The following WWOX variants were observed in gnomAD, a reference collection of about 807,000 sequenced individuals.
WWOX encodes WW domain containing oxidoreductase, also known as WW domain-containing oxidoreductase.
A neutral mutation model predicts 46.2 loss-of-function variants in WWOX; 69 were observed. The observed-to-expected ratio is 1.49, with a 90% confidence interval of 1.23 to 1.82. The LOEUF (loss-of-function observed/expected upper bound fraction) is 1.82, where lower values mean the gene tolerates loss of function less well. WWOX is among the 40% of genes most tolerant of loss of function. The pLI is 0.00. For synonymous variants in WWOX, 359 were observed against 202.6 expected, an observed-to-expected ratio of 1.77 and a Z score of -6.56; for missense variants, 919 against 542.6, an observed-to-expected ratio of 1.69 and a Z score of -6.89.
rs368949334 is a variant in WWOX, at chr16:78,726,013, G to T, written c.1056+293261G>T. 1.6e-3 allele frequency among the ~76,000 whole-genome samples: 207 copies of T among 131,648 alleles called. 1 individual carries two copies. Among genetic ancestry groups the T allele is most frequent in the African/African-American group, 5.0e-3 (176 of 34,950 alleles). 86.4% of individuals were successfully genotyped at this position (131,648 alleles called of 152,430 possible). A position where few individuals can be genotyped will look rare whatever the true frequency, so the allele number is the denominator to read the frequency against. On this transcript the variant is annotated intron_variant, in intron 8 of 8. Transcript: ENST00000566780. ...CCTCCTTCTCCTTCTTCTTCTCTTT[G>T]TTCTCCTTCTAGTTCTCCTCCTTTC...
At chr16:78,492,413 G>T (rs73578907) in intron 8 of WWOX, among the ~76,000 whole-genome samples, 1 of 152,122 alleles carries the variant, frequency 6.6e-6, no homozygotes, top group African/African-American at 2.4e-5. Context: ...TCTCATCTGT[G>T]GATAAAACTG....
At chr16:78,562,983 GTTCT>G (rs1326991778) in intron 8 of WWOX, among the ~76,000 whole-genome samples, 1 of 143,998 alleles carries the variant, frequency 6.9e-6, no homozygotes, top group African/African-American at 2.8e-5. Context: ...CTTTACAGAT[GTTCT>G]TTTTTTTTTT....
intron 8 of WWOX, among the ~76,000 whole-genome samples, chr16:78,582,072 T>TG (rs1308332364): frequency 6.6e-6 from 1 of 152,202 alleles, no homozygotes; most frequent in East Asian, 1.9e-4. Context: ...GAACGCTGGG[T>TG]GCAGAAGCAT....
intron 4 of WWOX, among the ~76,000 whole-genome samples, chr16:78,129,706 T>C (rs958086606): frequency 4.6e-5 from 7 of 152,080 alleles, no homozygotes; most frequent in African/African-American, 1.7e-4. Flanking sequence ...TGGGATTTTT[T>C]TTCTTTTTTT....
At chr16:78,737,687 G>A (rs1344883269) in intron 8 of WWOX, among the ~76,000 whole-genome samples, 6 of 152,124 alleles carry the variant, frequency 3.9e-5, no homozygotes, top group African/African-American at 7.2e-5. Context: ...ATTAAAAGAG[G>A]AAAAGGGGTA....
chr16:78,575,033 ATATATATATATAT>A (rs2044828647), intron 8 of WWOX, among the ~76,000 whole-genome samples: 1 of 1,878 alleles, frequency 5.3e-4, no homozygotes, highest in South Asian at 0.013. Flanking sequence ...ATATATATAT[ATATATATATATAT>A]ATATATATAT....
chr16:78,367,239 A>G (rs763312627), intron 5 of WWOX, among the ~76,000 whole-genome samples: 7 of 152,106 alleles, frequency 4.6e-5, no homozygotes, highest in Non-Finnish European at 7.4e-5. Flanking sequence ...TCGCCCTCCC[A>G]AAGTGCTGGG....
At chr16:78,831,919 C>G (rs1028837648) in intron 8 of WWOX, among the ~76,000 whole-genome samples, 1 of 152,156 alleles carries the variant, frequency 6.6e-6, no homozygotes, top group Admixed American at 6.5e-5. Context: ...CTCAAATACC[C>G]TTCCTCTTTC....
chr16:78,664,995 C>G (rs1304758035), intron 8 of WWOX, among the ~76,000 whole-genome samples: 1 of 152,200 alleles, frequency 6.6e-6, no homozygotes, highest in African/African-American at 2.4e-5. Flanking sequence ...AATGAAAGAA[C>G]TGACGTTTTC....
chr16:78,766,443 C>T (rs2049926559), intron 8 of WWOX, among the ~76,000 whole-genome samples: 1 of 152,124 alleles, frequency 6.6e-6, no homozygotes, highest in African/African-American at 2.4e-5. Flanking sequence ...AAAAATTTAG[C>T]CGGCTGTCGT....
intron 8 of WWOX, among the ~76,000 whole-genome samples, chr16:78,922,525 T>C (rs983926392): frequency 2.0e-5 from 3 of 151,990 alleles, no homozygotes; most frequent in African/African-American, 4.8e-5. Flanking sequence ...ATTACAGGCA[T>C]GCACAACAAC....
chr16:79,088,303 G>A (rs1020721876), intron 8 of WWOX, among the ~76,000 whole-genome samples: 6 of 152,168 alleles, frequency 3.9e-5, no homozygotes, highest in Admixed American at 6.5e-5. Context: ...ATTGCAGCCC[G>A]TTGGTTGTTT....
rs1322588037 is a variant in WWOX at position 78,785,064 on chromosome 16, C to G, written c.1056+352312C>G. On this transcript the variant is annotated intron_variant, in intron 8 of 8. Coordinates refer to ENST00000566780, the MANE Select transcript of WWOX (RefSeq NM_016373.4). ...CCAAGGAGAAGTTAAATTCTAAAGA[C>G]TTGGGCAGTCTCCAGGGAATATACT... Among the ~76,000 whole-genome samples the G allele has an allele frequency of 4.6e-5, 7 of 152,270 alleles. No homozygotes were observed. The East Asian group carries it at 1.4e-3, about 29-fold the overall frequency.
chr16:78,156,039 C>G (rs540327018), intron 4 of WWOX, among the ~76,000 whole-genome samples: 1 of 152,280 alleles, frequency 6.6e-6, no homozygotes, highest in East Asian at 1.9e-4. Context: ...ATGGAGTTGT[C>G]TATTGCAGCT....
intron 4 of WWOX, among the ~76,000 whole-genome samples, chr16:78,153,102 G>A (rs556121946): frequency 2.0e-5 from 3 of 152,108 alleles, no homozygotes; most frequent in South Asian, 2.1e-4. Flanking sequence ...TAGTAAGCAC[G>A]ATCTCTAACT....
At chr16:78,147,934 G>C (rs1597267666) in intron 4 of WWOX, among the ~76,000 whole-genome samples, 1 of 151,912 alleles carries the variant, frequency 6.6e-6, no homozygotes, top group Non-Finnish European at 1.5e-5. Flanking sequence ...TCAAGGAACG[G>C]GGTCTCTTTG....
chr16:79,022,776 G>T lies in WWOX; in HGVS notation c.1057-188832G>T, dbSNP rs1013968600. On this transcript the variant is annotated intron_variant, in intron 8 of 8. Coordinates refer to ENST00000566780, the MANE Select transcript of WWOX (RefSeq NM_016373.4). ...CCCGGAACTGAGGTGGCACATGTCA[G>T]CGGCTTTGCTCAGAAGCACCCAGGG... Among the ~76,000 whole-genome samples, 5 of 152,198 alleles carry T rather than the reference G, an allele frequency of 3.3e-5. No individual in the cohort carries two copies. In the South Asian group the frequency reaches 1.0e-3, roughly 31 times the overall value.
intron 8 of WWOX, among the ~76,000 whole-genome samples, chr16:79,088,645 A>T (rs979896611): frequency 3.9e-5 from 6 of 152,196 alleles, no homozygotes; most frequent in Non-Finnish European, 7.3e-5. Context: ...TTTTTCTCAG[A>T]TGATAACATC....
intron 8 of WWOX, among the ~76,000 whole-genome samples, chr16:78,741,015 A>C (rs2049211412): frequency 6.6e-6 from 1 of 152,112 alleles, no homozygotes; most frequent in Admixed American, 6.6e-5. Flanking sequence ...GGGATACACC[A>C]CGATGATCCA....
Sources: allele counts gnomAD v4.1 joint callset (sites outside exome capture counted in the v4.1 genomes callset), GRCh38; gene constraint gnomAD v4.1.1; transcripts MANE v1.5; gene names NCBI Gene and HGNC (gene_info 2026-07-23, HGNC 2026-07-21).